AKAP13: variants seen among roughly 807,000 people sequenced by gnomAD.
The protein encoded by AKAP13 is A-kinase anchor protein 13.
Under a neutral mutation model 264.5 loss-of-function variants are expected in AKAP13, and 80 were observed. The ratio of observed to expected loss-of-function variants is 0.30; its 90% CI spans 0.25 to 0.36. The LOEUF (loss-of-function observed/expected upper bound fraction) is 0.36. Ranked by LOEUF, AKAP13 falls within the 10% of genes least tolerant of loss-of-function variation. The pLI is 1.00. For synonymous variants in AKAP13, 1,380 were observed against 1,250.2 expected, an observed-to-expected ratio of 1.10 and a Z score of -2.19; for missense variants, 3,712 against 3,435.2, an observed-to-expected ratio of 1.08 and a Z score of -2.01.
chr15:85,500,273 C>T (rs1358361103), intron 2 of AKAP13, among the ~76,000 whole-genome samples: 1 of 152,246 alleles, frequency 6.6e-6, no homozygotes, highest in Admixed American at 6.5e-5. Context: ...CCACTGTAGC[C>T]TAGTGCTTCC....
intron 1 of AKAP13, among the ~76,000 whole-genome samples, chr15:85,455,702 G>A (rs2074259261): frequency 6.6e-6 from 1 of 151,736 alleles, no homozygotes; most frequent in African/African-American, 2.4e-5. Flanking sequence ...GGTATATGCT[G>A]AGCTTTTAGA....
At chr15:85,673,111 C>A (rs2151574900) in intron 14 of AKAP13, among the ~76,000 whole-genome samples, 1 of 152,300 alleles carries the variant, frequency 6.6e-6, no homozygotes, top group African/African-American at 2.4e-5. Flanking sequence ...AAATGTATTT[C>A]CACTGAGCTG....
At chr15:85,439,084 A>G (rs1567057377) in intron 1 of AKAP13, among the ~76,000 whole-genome samples, 1 of 151,862 alleles carries the variant, frequency 6.6e-6, no homozygotes, top group Non-Finnish European at 1.5e-5. Flanking sequence ...CAAAGGGCTA[A>G]TATCCAGAAT....
chr15:85,489,038 T>A (rs1228963312), intron 2 of AKAP13, among the ~76,000 whole-genome samples: 1 of 152,246 alleles, frequency 6.6e-6, no homozygotes, highest in Non-Finnish European at 1.5e-5. Context: ...TCATGGAGCC[T>A]GAGAACTTTA....
intron 1 of AKAP13, among the ~76,000 whole-genome samples, chr15:85,454,570 G>C (rs1158952058): frequency 1.3e-5 from 2 of 152,114 alleles, no homozygotes; most frequent in Non-Finnish European, 2.9e-5. Flanking sequence ...CACCCTTTCT[G>C]TTCCTCTCTG....
intron 1 of AKAP13, among the ~76,000 whole-genome samples, chr15:85,483,765 T>G (rs955611436): frequency 4.5e-4 from 68 of 151,430 alleles, no homozygotes; most frequent in African/African-American, 1.6e-3. Context: ...GAGCCAAGAT[T>G]GTGCCACTGC....
intron 1 of AKAP13, among the ~76,000 whole-genome samples, chr15:85,462,766 T>C (rs2074565379): frequency 6.6e-6 from 1 of 152,110 alleles, no homozygotes; most frequent in Non-Finnish European, 1.5e-5. Flanking sequence ...GGCTCACGCC[T>C]GTAATCCCAG....
chr15:85,600,015 G>A (rs533399295), intron 8 of AKAP13, among the ~76,000 whole-genome samples: 21 of 152,326 alleles, frequency 1.4e-4, no homozygotes, highest in African/African-American at 4.8e-4. Context: ...CTGATGTGGA[G>A]TGTTGCCTTG....
At chr15:85,401,991 A>G (rs1452302646) in intron 1 of AKAP13, among the ~76,000 whole-genome samples, 1 of 152,256 alleles carries the variant, frequency 6.6e-6, no homozygotes, top group African/African-American at 2.4e-5. Context: ...TAGTGAACAG[A>G]CACTGGATTA....
At chr15:85,611,888 C>G (rs2080646301) in intron 8 of AKAP13, among the ~76,000 whole-genome samples, 1 of 152,150 alleles carries the variant, frequency 6.6e-6, no homozygotes. Context: ...ACCATCCACA[C>G]ATATACACCC....
At chr15:85,571,801 G>A (rs1290347443) in intron 5 of AKAP13, among the ~76,000 whole-genome samples, 2 of 152,198 alleles carry the variant, frequency 1.3e-5, no homozygotes, top group Non-Finnish European at 2.9e-5. Context: ...ACCTGTAGGC[G>A]AAATGAGTTT....
chr15:85,566,022 A>G (rs897262155), intron 5 of AKAP13, among the ~76,000 whole-genome samples: 3 of 152,208 alleles, frequency 2.0e-5, no homozygotes, highest in Non-Finnish European at 2.9e-5. Context: ...GGTGCATGGT[A>G]ACATTGGTGC....
chr15:85,609,702 A>G (rs1275639052), intron 8 of AKAP13, among the ~76,000 whole-genome samples: 1 of 152,134 alleles, frequency 6.6e-6, no homozygotes, highest in Non-Finnish European at 1.5e-5. Context: ...TTCCTACCTG[A>G]TGTCATAGCA....
intron 2 of AKAP13, among the ~76,000 whole-genome samples, chr15:85,493,633 G>A (rs1295317312): frequency 6.6e-6 from 1 of 152,132 alleles, no homozygotes. Context: ...TATCTCTCCA[G>A]TCCTGAATTA....
intron 1 of AKAP13, among the ~76,000 whole-genome samples, chr15:85,466,578 C>A (rs562990608): frequency 2.0e-5 from 3 of 152,248 alleles, no homozygotes; most frequent in Non-Finnish European, 4.4e-5. Context: ...ATATGGCTAG[C>A]CAGTTTTCCC....
intron 3 of AKAP13, among the ~76,000 whole-genome samples, chr15:85,525,976 AT>A (rs1232097496): frequency 6.6e-6 from 1 of 152,156 alleles, no homozygotes; most frequent in African/African-American, 2.4e-5. Context: ...AATGAAATCT[AT>A]TTTCAGCATG....
chr15:85,475,551 G>C (rs1344556265), intron 1 of AKAP13, among the ~76,000 whole-genome samples: 2 of 152,202 alleles, frequency 1.3e-5, no homozygotes, highest in African/African-American at 4.8e-5. Context: ...CCTAAGTATA[G>C]TGTTAAGTAG....
At chr15:85,389,801 A>G (rs150970241) in intron 1 of AKAP13, 11 of 152,338 alleles carry the variant, frequency 7.2e-5, no homozygotes, top group Admixed American at 2.0e-4. Flanking sequence ...ACTATAATCT[A>G]TTATTTTCTG....
At chr15:85,715,248 C>T (rs921732111) in intron 19 of AKAP13, among the ~76,000 whole-genome samples, 5 of 152,122 alleles carry the variant, frequency 3.3e-5, no homozygotes, top group Non-Finnish European at 7.4e-5. Flanking sequence ...TGTGTCAGTA[C>T]TTGGAAAGTG....
Sources: gnomAD v4.1 joint callset for allele counts (sites outside exome capture counted in the v4.1 genomes callset) on GRCh38, gnomAD v4.1.1 for gene constraint, MANE v1.5 for transcripts, NCBI Gene and HGNC (gene_info 2026-07-23, HGNC 2026-07-21) for gene names.